Variants in LRFN5 observed in about 807,000 individuals in gnomAD.
LRFN5 encodes leucine rich repeat and fibronectin type III domain containing 5.
In LRFN5, 24 loss-of-function variants were observed where a neutral mutation model predicts 45.6. The ratio of observed to expected loss-of-function variants is 0.53; its 90% CI spans 0.38 to 0.74. The LOEUF (loss-of-function observed/expected upper bound fraction) is 0.74, where lower values mean the gene tolerates loss of function less well. LRFN5 is among the 30% of genes least tolerant of loss of function. LRFN5 has a pLI of 0.00. For synonymous variants in LRFN5, 340 were observed against 313.8 expected, an observed-to-expected ratio of 1.08 and a Z score of -0.88; for missense variants, 776 against 861.5, an observed-to-expected ratio of 0.90 and a Z score of 1.24.
At chr14:41,881,719 G>A (rs1890387144) in intron 2 of LRFN5, among the ~76,000 whole-genome samples, 1 of 151,780 alleles carries the variant, frequency 6.6e-6, no homozygotes, top group Non-Finnish European at 1.5e-5. Flanking sequence ...TCTGAATTTA[G>A]TTTTTTTCTA....
intron 2 of LRFN5, among the ~76,000 whole-genome samples, chr14:41,781,682 GAGAAAGAAAGAA>G (rs201738329): frequency 3.4e-4 from 51 of 149,784 alleles, no homozygotes; most frequent in African/African-American, 1.0e-3. Flanking sequence ...AAGAAAGAAA[GAGAAAGAAAGAA>G]AAAGAGAAAG....
intron 1 of LRFN5, among the ~76,000 whole-genome samples, chr14:41,653,112 T>A (rs1215918288): frequency 3.3e-5 from 5 of 152,154 alleles, no homozygotes; most frequent in African/African-American, 1.2e-4. Flanking sequence ...ATTCTACAGG[T>A]TGTCTGTTTA....
chr14:41,773,697 T>A (rs1209174303), intron 2 of LRFN5, among the ~76,000 whole-genome samples: 3 of 152,120 alleles, frequency 2.0e-5, no homozygotes, highest in Non-Finnish European at 4.4e-5. Context: ...CATATGATAG[T>A]GAGGAAAAGC....
chr14:41,782,568 C>G (rs1331087968), intron 2 of LRFN5, among the ~76,000 whole-genome samples: 1 of 152,066 alleles, frequency 6.6e-6, no homozygotes, highest in African/African-American at 2.4e-5. Flanking sequence ...GTTTCTCTTG[C>G]CTGTTGTGAT....
chr14:41,644,921 TA>T (rs1879742074), intron 1 of LRFN5, among the ~76,000 whole-genome samples: 1 of 152,152 alleles, frequency 6.6e-6, no homozygotes, highest in South Asian at 2.1e-4. Context: ...CATTCTAAAT[TA>T]AAACATGGTT....
intron 1 of LRFN5, among the ~76,000 whole-genome samples, chr14:41,656,369 C>G (rs183155450): frequency 1.3e-5 from 2 of 151,960 alleles, no homozygotes; most frequent in Admixed American, 1.3e-4. Flanking sequence ...TGAATTTGAA[C>G]GCATTAGTTA....
intron 1 of LRFN5, among the ~76,000 whole-genome samples, chr14:41,677,358 G>A (rs74045195): frequency 0.033 from 5,046 of 152,076 alleles, 141 homozygotes; most frequent in African/African-American, 0.085. Context: ...GGAACAGGAA[G>A]AATCTAACAC....
chr14:41,791,248 C>A (rs548007681), intron 2 of LRFN5, among the ~76,000 whole-genome samples: 131 of 151,852 alleles, frequency 8.6e-4, no homozygotes, highest in African/African-American at 3.0e-3. Flanking sequence ...ACTCATTATA[C>A]TATGGATTAT....
At chr14:41,789,332 A>G (rs1306761745) in intron 2 of LRFN5, among the ~76,000 whole-genome samples, 1 of 151,968 alleles carries the variant, frequency 6.6e-6, no homozygotes, top group Non-Finnish European at 1.5e-5. Flanking sequence ...ATTCCAGTAT[A>G]TGGATAATAT....
rs1594442046 is a variant in LRFN5, at chr14:41,824,163, T to C, written c.-21+57134T>C. On this transcript the variant is annotated intron_variant, in intron 2 of 5. Transcript: ENST00000298119. ...CGTAGTTTGAATTATTTATTTGGCA[T>C]TTCAGAATTTCCATTTCTGATAGAA... 2.0e-5 allele frequency among the ~76,000 whole-genome samples: 3 copies of C among 152,358 alleles called. No homozygotes were observed. In the East Asian group the frequency reaches 5.8e-4, roughly 29 times the overall value.
chr14:41,702,709 C>T (rs1026636743), intron 1 of LRFN5, among the ~76,000 whole-genome samples: 3 of 151,720 alleles, frequency 2.0e-5, no homozygotes, highest in Non-Finnish European at 2.9e-5. Context: ...GAGCCATCCT[C>T]CTGCTTGGGC....
intron 2 of LRFN5, among the ~76,000 whole-genome samples, chr14:41,847,883 A>G (rs755570140): frequency 3.7e-4 from 56 of 152,256 alleles, no homozygotes; most frequent in Middle Eastern, 3.4e-3. Context: ...TAAACACGTC[A>G]TGAGGAAGTT....
intron 1 of LRFN5, among the ~76,000 whole-genome samples, chr14:41,686,112 T>G (rs1344139603): frequency 6.6e-6 from 1 of 152,168 alleles, no homozygotes; most frequent in Admixed American, 6.5e-5. Context: ...GGAATATTTT[T>G]GCATTTGTTT....
chr14:41,795,011 TAC>T (rs5808153), intron 2 of LRFN5, among the ~76,000 whole-genome samples: 53,200 of 151,780 alleles, frequency 0.35, 9,992 homozygotes, highest in East Asian at 0.69. Flanking sequence ...TAATTATGCA[TAC>T]ACACATATGT....
rs1430549866 is a variant in LRFN5 at position 41,778,013 on chromosome 14, G to A, written c.-21+10984G>A. Among the ~76,000 whole-genome samples the A allele has an allele frequency of 4.2e-5, 3 of 70,622 alleles. No individual in the cohort carries two copies. The East Asian group carries it at 8.3e-3, about 195-fold the overall frequency. The allele number at this position is 70,622 out of a possible 152,430, so 46.3% of individuals were successfully genotyped here. On this transcript the variant is annotated intron_variant, in intron 2 of 5. Transcript: ENST00000298119. ...TGCATGGGATCCTTTTTTTTTGGTGGGGGGGGGGGATTGAGAGGGGAAGAT... is the reference window on the plus strand; with the variant it reads ...TGCATGGGATCCTTTTTTTTTGGTGAGGGGGGGGGATTGAGAGGGGAAGAT...
At chr14:41,885,656 G>A (rs1004833900) in intron 2 of LRFN5, among the ~76,000 whole-genome samples, 5 of 151,976 alleles carry the variant, frequency 3.3e-5, no homozygotes, top group South Asian at 2.1e-4. Context: ...TAGGGAACTC[G>A]GAGCTATTGT....
chr14:41,738,656 C>A (rs754662581), intron 1 of LRFN5, among the ~76,000 whole-genome samples: 39 of 152,110 alleles, frequency 2.6e-4, no homozygotes, highest in Admixed American at 7.2e-4. Flanking sequence ...TTTTCAAGAT[C>A]CCGTTTTATA....
chr14:41,625,245 AT>A (rs1389813906), intron 1 of LRFN5, among the ~76,000 whole-genome samples: 3 of 140,860 alleles, frequency 2.1e-5, no homozygotes, highest in Non-Finnish European at 4.7e-5. Flanking sequence ...AATAACACCC[AT>A]ATATCAAGGG....
chr14:41,746,267 A>G (rs1403924257), intron 1 of LRFN5, among the ~76,000 whole-genome samples: 2 of 152,042 alleles, frequency 1.3e-5, no homozygotes, highest in African/African-American at 4.8e-5. Context: ...GATTATCTCA[A>G]TTAATGCCAA....
Sources: allele counts gnomAD v4.1 joint callset (sites outside exome capture counted in the v4.1 genomes callset), GRCh38; gene constraint gnomAD v4.1.1; transcripts MANE v1.5; gene names NCBI Gene and HGNC (gene_info 2026-07-23, HGNC 2026-07-21).